Variants in ITGA1 observed in about 807,000 individuals in gnomAD.
ITGA1 encodes integrin alpha-1.
ITGA1 carries 85 observed loss-of-function variants against 145.9 expected under a neutral mutation model. That is an observed-to-expected ratio of 0.58 (90% CI 0.49 to 0.70). The LOEUF is 0.70. Ranked by LOEUF, ITGA1 falls within the 30% of genes least tolerant of loss-of-function variation. The pLI, the probability that ITGA1 is intolerant of heterozygous loss-of-function variation, is 0.00. For missense variants in ITGA1, 1,351 were observed against 1,418.7 expected (o/e 0.95, Z 0.77); for synonymous variants, 520 against 495.3 (o/e 1.05, Z -0.66).
intron 24 of ITGA1, 40 bp downstream of exon 24, chr5:52,937,554 T>A (rs1460060003): frequency 3.3e-6 from 4 of 1,204,040 alleles, no homozygotes; most frequent in Non-Finnish European, 4.9e-6. Flanking sequence ...ATTACTGTTA[T>A]CTTTTCCACT....
Position 52,858,437 on chromosome 5 carries a change from A to C in ITGA1, c.183-3010A>C, listed in dbSNP as rs6885175. On this transcript the variant is annotated intron_variant, in intron 2 of 28. Transcript: ENST00000282588. ...TATTCAATATTGCAATAGTACATGT[A>C]TAGTTGTGCTTCTCTCTCTAAGTTA... is the stretch of plus-strand genomic sequence containing the variant. 6.9e-3 allele frequency among the ~76,000 whole-genome samples: 1,054 copies of C among 152,340 alleles called. 15 individuals carry two copies. The highest frequency in any genetic ancestry group is 0.024 in the African/African-American group (1,006 of 41,574).
At chr5:52,922,120 GTGAAAC>G (rs1314897578) in intron 17 of ITGA1, among the ~76,000 whole-genome samples, 1 of 152,088 alleles carries the variant, frequency 6.6e-6, no homozygotes, top group Non-Finnish European at 1.5e-5. Context: ...GGCCAACGTG[GTGAAAC>G]CCCGTCTCTA....
chr5:52,889,225 C>T (rs1032474471), intron 8 of ITGA1, among the ~76,000 whole-genome samples: 1 of 152,080 alleles, frequency 6.6e-6, no homozygotes, highest in African/African-American at 2.4e-5. Context: ...CCTCAGCCTC[C>T]CAAGTAGCTG....
At chr5:52,877,020 T>TTAAG (rs1383754096) in intron 6 of ITGA1, among the ~76,000 whole-genome samples, 1 of 152,106 alleles carries the variant, frequency 6.6e-6, no homozygotes, top group African/African-American at 2.4e-5. Flanking sequence ...CATTGGAATA[T>TTAAG]TAAGGGACTG....
At position 52,887,960 on chromosome 5, in the gene ITGA1, A is replaced by G. The variant is rs1579699009; in HGVS notation, c.919A>G (p.Ile307Val). The change falls in exon 8 of 29, where the codon ATA becomes GTA. Residue 307 changes from isoleucine to valine, a missense_variant. By Grantham distance (29) the Ile-to-Val change is conservative (BLOSUM62 3). Transcript: ENST00000282588. ...AGATGAAAACATTCAACGGTTTTCC[A>G]TAGCTGTAAGTGTGTTGCCGGAGAT... The part of the protein sequence containing the change: ...CEDENIQRFS[I>V]AILGSYNRGN... 5 of 1,613,228 alleles carry G rather than the reference A, an allele frequency of 3.1e-6. No individual in the cohort carries two copies. In the East Asian group the frequency reaches 1.1e-4, roughly 36 times the overall value.
At chr5:52,807,330 C>T (rs998071375) in intron 1 of ITGA1, among the ~76,000 whole-genome samples, 1 of 152,036 alleles carries the variant, frequency 6.6e-6, no homozygotes, top group Non-Finnish European at 1.5e-5. Context: ...TATTAAGTGT[C>T]AGGTCTTATG....
At chr5:52,805,518 A>ATTG (rs1349215403) in intron 1 of ITGA1, among the ~76,000 whole-genome samples, 1 of 152,206 alleles carries the variant, frequency 6.6e-6, no homozygotes, top group Non-Finnish European at 1.5e-5. Context: ...ATTGCTGTTT[A>ATTG]GAGTTATGGA....
intron 6 of ITGA1, among the ~76,000 whole-genome samples, chr5:52,872,255 A>G (rs1044953357): frequency 1.3e-5 from 2 of 152,080 alleles, no homozygotes; most frequent in African/African-American, 4.8e-5. Flanking sequence ...TAGGTCTGAA[A>G]AGAAGCCTGA....
At chr5:52,801,538 C>A (rs1430338391) in intron 1 of ITGA1, 1 of 1,614,058 alleles carries the variant, frequency 6.2e-7, no homozygotes, top group African/African-American at 1.3e-5. Context: ...TAAAATGTTA[C>A]AGCATGAACC....
rs532633539 is a variant in ITGA1, at chr5:52,814,949, G to A, written c.61+26535G>A. ...CTCAGGCCACTTATATCTCTTATCTGTGCTTTTCCTTAGCTGACATTTGGT... is the reference window on the plus strand; with the variant it reads ...CTCAGGCCACTTATATCTCTTATCTATGCTTTTCCTTAGCTGACATTTGGT... On this transcript the variant is annotated intron_variant, in intron 1 of 28. Transcript: ENST00000282588. Among the ~76,000 whole-genome samples the A allele has an allele frequency of 7.9e-5, 12 of 152,226 alleles. No homozygotes were observed. The East Asian group carries it at 1.4e-3, about 17-fold the overall frequency.
chr5:52,901,877 T>C (rs1473246939), intron 11 of ITGA1: 1 of 152,218 alleles, frequency 6.6e-6, no homozygotes, highest in Non-Finnish European at 1.5e-5. Context: ...TCAGAAATTA[T>C]TTCATTAGCT....
In ITGA1 at chr5:52,939,913, C is replaced by A; in HGVS notation, c.3254C>A (p.Ser1085Ter). The A allele has an allele frequency of 6.2e-7, 1 of 1,612,618 alleles. No homozygotes were observed. The change falls in exon 26 of 29, where the codon TCG (serine) becomes TAG (stop). Residue 1085 changes from serine to a stop codon, truncating the protein, a stop_gained. Transcript: ENST00000282588. LOFTEE classifies it high-confidence loss of function. ...TSSDISQVNV[S>*]LILWKPTFIK... ...TCTGACATCAGCCAAGTCAATGTTTCGCTTATCTTGTGGAAACCAACTTTT... is the reference window on the plus strand; with the variant it reads ...TCTGACATCAGCCAAGTCAATGTTTAGCTTATCTTGTGGAAACCAACTTTT...
chr5:52,806,216 G>A (rs1360511215), intron 1 of ITGA1, among the ~76,000 whole-genome samples: 2 of 110,338 alleles, frequency 1.8e-5, no homozygotes, highest in Non-Finnish European at 3.8e-5. Context: ...GAAATTTAGT[G>A]TAAAAGTGTT....
At chr5:52,880,147 A>T (rs933982187) in intron 6 of ITGA1, among the ~76,000 whole-genome samples, 7 of 152,154 alleles carry the variant, frequency 4.6e-5, no homozygotes, top group African/African-American at 1.7e-4. Context: ...TTTTACTGAG[A>T]GGAAATAGGG....
intron 9 of ITGA1, among the ~76,000 whole-genome samples, chr5:52,897,082 G>A (rs1750237984): frequency 6.6e-6 from 1 of 152,070 alleles, no homozygotes. Context: ...GCTCAGCAGG[G>A]TTCCCAAGGC....
chr5:52,815,191 C>G (rs1748745651), intron 1 of ITGA1, among the ~76,000 whole-genome samples: 1 of 152,082 alleles, frequency 6.6e-6, no homozygotes, highest in African/African-American at 2.4e-5. Flanking sequence ...ATCAAAAAAA[C>G]AAGATCCACC....
chr5:52,945,205 T>A (rs770349233), intron 27 of ITGA1, among the ~76,000 whole-genome samples, 170 bp downstream of exon 27: 2 of 152,220 alleles, frequency 1.3e-5, no homozygotes, highest in Non-Finnish European at 2.9e-5. Flanking sequence ...GTGATTTTAG[T>A]CTTATTCATC....
At chr5:52,866,459 G>A (rs143638554) in intron 6 of ITGA1, among the ~76,000 whole-genome samples, 38 of 152,222 alleles carry the variant, frequency 2.5e-4, no homozygotes, top group African/African-American at 9.2e-4. Flanking sequence ...TAATGTCAGA[G>A]CCGGGTGTCA....
intron 1 of ITGA1, chr5:52,801,483 A>G: frequency 6.2e-7 from 1 of 1,614,148 alleles, no homozygotes; most frequent in Non-Finnish European, 8.5e-7. Context: ...GCCGCCTTTC[A>G]GACACTAAAG....
Sources: allele counts gnomAD v4.1 joint callset (sites outside exome capture counted in the v4.1 genomes callset), GRCh38; gene constraint gnomAD v4.1.1; transcripts MANE v1.5; gene names NCBI Gene and HGNC (gene_info 2026-07-23, HGNC 2026-07-21).